Variants in PRDM11 observed in about 807,000 individuals in gnomAD.
The protein encoded by PRDM11 is PR/SET domain 11.
PRDM11 carries 20 observed loss-of-function variants against 97.8 expected under a neutral mutation model. That is an observed-to-expected ratio of 0.20 (90% CI 0.14 to 0.30). The LOEUF is 0.30. Ranked by LOEUF, PRDM11 falls within the 10% of genes least tolerant of loss-of-function variation. The pLI, the probability that PRDM11 is intolerant of heterozygous loss-of-function variation, is 1.00. For missense variants in PRDM11, 1,139 were observed against 1,555.2 expected, an observed-to-expected ratio of 0.73 and a Z score of 4.50; for synonymous variants, 599 against 637.7, an observed-to-expected ratio of 0.94 and a Z score of 0.91.
chr11:45,196,321 C>T (rs1853121357), intron 4 of PRDM11, among the ~76,000 whole-genome samples: 1 of 152,096 alleles, frequency 6.6e-6, no homozygotes, highest in South Asian at 2.1e-4. Flanking sequence ...ATGGATGCGC[C>T]GGTTGTGTAC....
chr11:45,147,028 CGGGGGTCCGGACGGCGCCGGCGCGGGGT>C (rs1565262723), intron 1 of PRDM11, among the ~76,000 whole-genome samples, 151 bp downstream of exon 1: 1 of 119,298 alleles, frequency 8.4e-6, no homozygotes, highest in African/African-American at 3.1e-5. Flanking sequence ...GGGCGCGGGG[CGGGGGTCCGGACGGCGCCGGCGCGGGGT>C]GGGGGGCGGC....
At chr11:45,222,909 C>G (rs974922354) in intron 6 of PRDM11, among the ~76,000 whole-genome samples, 3 of 152,242 alleles carry the variant, frequency 2.0e-5, no homozygotes, top group Admixed American at 1.3e-4. Context: ...GTTCCATAGG[C>G]TACTTTCAGG....
intron 1 of PRDM11, among the ~76,000 whole-genome samples, chr11:45,140,124 T>A (rs1358858627): frequency 1.3e-5 from 2 of 152,238 alleles, no homozygotes; most frequent in Non-Finnish European, 2.9e-5. Flanking sequence ...GTAGGAAATA[T>A]ATTATCTCAA....
intron 4 of PRDM11, among the ~76,000 whole-genome samples, chr11:45,196,373 C>A (rs1422669075): frequency 2.0e-5 from 3 of 152,142 alleles, no homozygotes; most frequent in African/African-American, 7.2e-5. Flanking sequence ...GCCCTGTTAA[C>A]TACGTTCTTC....
At chr11:45,212,807 G>A (rs946772643) in intron 5 of PRDM11, 13 of 455,458 alleles carry the variant, frequency 2.9e-5, no homozygotes, top group East Asian at 2.1e-4. Context: ...CAGCATGCAC[G>A]TCATCGGCCA....
chr11:45,223,644 A>G (rs1854180135), intron 6 of PRDM11, among the ~76,000 whole-genome samples: 1 of 152,132 alleles, frequency 6.6e-6, no homozygotes, highest in South Asian at 2.1e-4. Context: ...ACATGTTCCT[A>G]GTCTGCTGAT....
At chr11:45,101,074 T>G (rs1407819685) in intron 1 of PRDM11, among the ~76,000 whole-genome samples, 1 of 152,060 alleles carries the variant, frequency 6.6e-6, no homozygotes, top group Admixed American at 6.6e-5. Flanking sequence ...AATAGGACTT[T>G]AGCCAGGGAA....
Position 45,183,008 on chromosome 11 carries a change from G to A in PRDM11, c.371G>A (p.Ser124Asn), listed in dbSNP as rs1230505573. ...GGCATGGAGGTGGTCAAGGACACTA[G>A]TGGAGAGAGTGACGTGCGATGTGTA... is the stretch of plus-strand genomic sequence containing the variant. The part of the protein sequence containing the change: ...PQGMEVVKDT[S>N]GESDVRCVNE... Residue 124 changes from serine to asparagine, a missense_variant, in exon 4 of 8, where the codon AGT becomes AAT. Physicochemically the swap from Ser to Asn is conservative, Grantham distance 46. Coordinates refer to ENST00000683152, the MANE Select transcript of PRDM11 (RefSeq NM_001384648.1). 6.2e-7 allele frequency: 1 copy of A among 1,614,176 alleles called. No homozygotes were observed. The highest frequency in any genetic ancestry group is 2.2e-5 in the East Asian group (1 of 44,876).
chr11:45,227,115 C>T lies in PRDM11; in HGVS notation c.2490C>T (p.Gly830=), dbSNP rs193132790. Residue 830 remains glycine (G), a synonymous_variant, in exon 8 of 8, where the codon GGC becomes GGT. Coordinates refer to ENST00000683152, the MANE Select transcript of PRDM11 (RefSeq NM_001384648.1). This position sits in a 1 kb window ranked among gnomAD's most constrained non-coding sequence, Gnocchi z 8.0. ...GDIRAVRWII[G]EQNVLNALIK... ...TCCGGGCAGTGCGGTGGATCATCGG[C>T]GAGCAGAACGTCCTCAACGCTCTCA... The T allele has an allele frequency of 7.1e-5, 109 of 1,533,928 alleles. No individual in the cohort carries two copies. The highest frequency in any genetic ancestry group is 5.5e-4 in the South Asian group (46 of 83,964).
intron 1 of PRDM11, among the ~76,000 whole-genome samples, chr11:45,113,234 T>TA (rs1852222622): frequency 1.3e-5 from 2 of 152,216 alleles, no homozygotes; most frequent in South Asian, 4.1e-4. Context: ...TACGTTTTTG[T>TA]ATGCTTTATC....
In PRDM11 at chr11:45,227,382, C is replaced by T. The variant is rs1486135843; in HGVS notation, c.2757C>T (p.Ile919=). Reference sequence around the variant, plus strand: ...AGATCGAGGAGGCCATCCAGGAGATCAGCCGGCTGGCTGACTCCCCGGGAG... The same window carrying T: ...AGATCGAGGAGGCCATCCAGGAGATTAGCCGGCTGGCTGACTCCCCGGGAG... ...DDKIEEAIQE[I]SRLADSPGEY... is the part of the protein sequence containing the mutation. The change falls in exon 8 of 8, where the codon ATC becomes ATT. Residue 919 remains isoleucine, a synonymous_variant. Transcript: ENST00000683152. This position sits in a 1 kb window ranked among gnomAD's most constrained non-coding sequence, Gnocchi z 8.0. The T allele has an allele frequency of 6.5e-7, 1 of 1,533,924 alleles. No individual in the cohort carries two copies. Among genetic ancestry groups the T allele is most frequent in the South Asian group, 1.2e-5 (1 of 83,962 alleles).
chr11:45,215,974 A>G (rs2135831407), intron 5 of PRDM11: 1 of 152,802 alleles, frequency 6.5e-6, no homozygotes, highest in East Asian at 1.9e-4. Flanking sequence ...TTTGCGTTAG[A>G]AACAATAGTC....
chr11:45,173,513 T>C (rs1299388827), intron 1 of PRDM11, among the ~76,000 whole-genome samples: 2 of 151,184 alleles, frequency 1.3e-5, no homozygotes, highest in Non-Finnish European at 1.5e-5. Context: ...TCCCAGCTAC[T>C]CGGGAGGCTG....
intron 1 of PRDM11, among the ~76,000 whole-genome samples, chr11:45,167,768 C>T (rs1852100718): frequency 1.1e-5 from 1 of 93,666 alleles, no homozygotes; most frequent in African/African-American, 7.0e-5. Flanking sequence ...ACCACACACA[C>T]ACACACACAC....
At chr11:45,108,061 G>C (rs1439865167) in intron 1 of PRDM11, among the ~76,000 whole-genome samples, 1 of 152,098 alleles carries the variant, frequency 6.6e-6, no homozygotes, top group Admixed American at 6.5e-5. Context: ...GACTAGGCTG[G>C]TCTCAAACTC....
chr11:45,096,383 C>G (rs1851887474), intron 1 of PRDM11, among the ~76,000 whole-genome samples: 1 of 152,230 alleles, frequency 6.6e-6, no homozygotes, highest in Non-Finnish European at 1.5e-5. Context: ...ATTCACACGT[C>G]TTAACATTTT....
In PRDM11 at chr11:45,230,837, A is replaced by G. The variant is rs1854386458; in HGVS notation, c.*2678A>G. 6.6e-6 allele frequency: 1 copy of G among 152,228 alleles called. No individual in the cohort carries two copies. Among genetic ancestry groups the G allele is most frequent in the Admixed American group, 6.5e-5 (1 of 15,284 alleles). 9.4% of individuals were successfully genotyped at this position (152,228 alleles called of 1,614,324 possible). The stretch of plus-strand genomic sequence containing the variant: ...AGTTGGAGCTACTCTTTTTCCTCTC[A>G]AGAGATCATGGCCAAAATGAGCTAA... On this transcript the variant is annotated 3_prime_UTR_variant, in exon 8 of 8. Coordinates refer to ENST00000683152, the MANE Select transcript of PRDM11 (RefSeq NM_001384648.1).
chr11:45,160,644 C>A (rs1237440801), intron 1 of PRDM11, among the ~76,000 whole-genome samples: 1 of 152,196 alleles, frequency 6.6e-6, no homozygotes, highest in African/African-American at 2.4e-5. Flanking sequence ...ATTTAACCAT[C>A]CCCCCACCAC....
chr11:45,110,573 A>G (rs1852154786), intron 1 of PRDM11, among the ~76,000 whole-genome samples: 1 of 152,198 alleles, frequency 6.6e-6, no homozygotes, highest in African/African-American at 2.4e-5. Flanking sequence ...CCTGGGGGCT[A>G]AAGTGCCCAG....
Sources: allele counts gnomAD v4.1 joint callset (sites outside exome capture counted in the v4.1 genomes callset), GRCh38; gene constraint gnomAD v4.1.1; non-coding constraint Gnocchi (gnomAD v3.1); transcripts MANE v1.5; gene names NCBI Gene and HGNC (gene_info 2026-07-23, HGNC 2026-07-21).